The following AKAP13 variants were observed in gnomAD, a reference collection of about 807,000 sequenced individuals.
AKAP13 encodes the protein A-kinase anchor protein 13.
A neutral mutation model predicts 264.5 loss-of-function variants in AKAP13; 80 were observed. The ratio of observed to expected loss-of-function variants is 0.30; its 90% CI spans 0.25 to 0.36. The LOEUF (loss-of-function observed/expected upper bound fraction) is 0.36. Among genes scored for constraint, AKAP13 ranks in the 10% least tolerant of loss-of-function variants. AKAP13 has a pLI of 1.00. For synonymous variants in AKAP13, 1,380 were observed against 1,250.2 expected (o/e 1.10, Z -2.19); for missense variants, 3,712 against 3,435.2 (o/e 1.08, Z -2.01).
At chr15:85,685,474 G>GTGTGTGTGTGTC (rs2084851266) in intron 16 of AKAP13, 1 of 148,684 alleles carries the variant, frequency 6.7e-6, no homozygotes, top group South Asian at 2.2e-4. Context: ...GTGTGTGTGT[G>GTGTGTGTGTGTC]TGTGTGTGTG....
At chr15:85,407,125 G>A (rs1226788400) in intron 1 of AKAP13, among the ~76,000 whole-genome samples, 1 of 151,712 alleles carries the variant, frequency 6.6e-6, no homozygotes, top group African/African-American at 2.4e-5. Context: ...TATAGTGAGA[G>A]ATATGGAAAT....
chr15:85,516,299 T>C (rs1416210851), intron 2 of AKAP13, among the ~76,000 whole-genome samples: 3 of 152,222 alleles, frequency 2.0e-5, no homozygotes, highest in African/African-American at 7.2e-5. Flanking sequence ...AGGTTGATGA[T>C]TCTTGTCCTC....
chr15:85,598,800 G>C (rs1378634253), intron 8 of AKAP13, among the ~76,000 whole-genome samples: 1 of 152,156 alleles, frequency 6.6e-6, no homozygotes, highest in Non-Finnish European at 1.5e-5. Context: ...CCCTTCTACT[G>C]TTCCCTTCTA....
At chr15:85,624,357 G>A (rs564827684) in intron 8 of AKAP13, 9 of 152,104 alleles carry the variant, frequency 5.9e-5, no homozygotes, top group African/African-American at 1.9e-4. Context: ...CCCGACTCAC[G>A]ACACTTGGGC....
intron 5 of AKAP13, among the ~76,000 whole-genome samples, chr15:85,557,395 C>G (rs1198600254): frequency 6.6e-6 from 1 of 152,104 alleles, no homozygotes; most frequent in Non-Finnish European, 1.5e-5. Flanking sequence ...TGATTTGTTC[C>G]TGATATTTCA....
chr15:85,544,683 G>A (rs1455353361), intron 5 of AKAP13, among the ~76,000 whole-genome samples: 2 of 152,092 alleles, frequency 1.3e-5, no homozygotes, highest in African/African-American at 4.8e-5. Flanking sequence ...AGTTTTTATT[G>A]GAATGTTTAT....
rs1435302561 is a variant in AKAP13, at chr15:85,515,111, G to T, written c.34-6317G>T. ...ATGTCTTTACATAAAATATGTGACT[G>T]CAAGATATAAAAAATAAACTCAGGA... On this transcript the variant is annotated intron_variant, in intron 2 of 36. Coordinates refer to ENST00000394518, the MANE Select transcript of AKAP13 (RefSeq NM_007200.5). Among the ~76,000 whole-genome samples, 3 of 137,630 alleles carry T rather than the reference G, an allele frequency of 2.2e-5. 1 individual carries two copies. The highest frequency in any genetic ancestry group is 8.8e-5 in the African/African-American group (3 of 34,198). 90.3% of individuals were successfully genotyped at this position (137,630 alleles called of 152,430 possible). A position where few individuals can be genotyped will look rare whatever the true frequency, so the allele number is the denominator to read the frequency against.
intron 5 of AKAP13, among the ~76,000 whole-genome samples, chr15:85,564,323 G>T (rs2078528639): frequency 6.6e-6 from 1 of 151,998 alleles, no homozygotes; most frequent in Non-Finnish European, 1.5e-5. Context: ...TCTTAACATT[G>T]GTTACATTTG....
intron 1 of AKAP13, among the ~76,000 whole-genome samples, chr15:85,437,663 A>G (rs1024350809): frequency 5.9e-5 from 9 of 152,234 alleles, no homozygotes; most frequent in African/African-American, 2.2e-4. Context: ...GGCTGGTTCA[A>G]TATACGCAAA....
chr15:85,470,647 C>T (rs1315466578), intron 1 of AKAP13, among the ~76,000 whole-genome samples: 1 of 152,204 alleles, frequency 6.6e-6, no homozygotes, highest in Non-Finnish European at 1.5e-5. Flanking sequence ...CTTTTCTTAT[C>T]CCTCCTTGCC....
At chr15:85,460,040 C>G (rs1379890705) in intron 1 of AKAP13, among the ~76,000 whole-genome samples, 1 of 152,176 alleles carries the variant, frequency 6.6e-6, no homozygotes, top group East Asian at 1.9e-4. Context: ...ACAGACTTAC[C>G]TTTTCAAATG....
At chr15:85,471,685 C>G (rs1264228684) in intron 1 of AKAP13, among the ~76,000 whole-genome samples, 3 of 152,222 alleles carry the variant, frequency 2.0e-5, no homozygotes, top group South Asian at 2.1e-4. Context: ...CGCCTCCCCC[C>G]ATCCCTGGGT....
chr15:85,659,139 T>C (rs2083226695), intron 12 of AKAP13, among the ~76,000 whole-genome samples: 1 of 152,240 alleles, frequency 6.6e-6, no homozygotes, highest in Non-Finnish European at 1.5e-5. Context: ...TCCTTGGCCT[T>C]TGAATTCCTT....
Position 85,669,822 on chromosome 15 carries a change from G to A in AKAP13, c.5093G>A (p.Gly1698Glu). ...TCATTAATGACAATCAGCCATCCTGGATTGGACAGTGAGTATACTACTTTT... is the reference window on the plus strand; with the variant it reads ...TCATTAATGACAATCAGCCATCCTGAATTGGACAGTGAGTATACTACTTTT... ...SISLMTISHP[G>E]LDNSRPFHST... The change falls in exon 14 of 37, where the codon GGA becomes GAA. Residue 1698 changes from glycine to glutamate, a missense_variant. Transcript: ENST00000394518. 1 of 1,603,284 alleles carries A rather than the reference G, an allele frequency of 6.2e-7. No individual in the cohort carries two copies. The highest frequency in any genetic ancestry group is 8.5e-7 in the Non-Finnish European group (1 of 1,170,402).
At position 85,726,409 on chromosome 15, in the gene AKAP13, G is replaced by T; in HGVS notation, c.6746-1G>T. On this transcript the variant is annotated splice_acceptor_variant, in intron 26 of 36. Coordinates refer to ENST00000394518, the MANE Select transcript of AKAP13 (RefSeq NM_007200.5). LOFTEE classifies it high-confidence loss of function. ...TCCCTTCTCCCATTTCCATTTTCCA[G>T]AGGTTCAAGCAGTTCTTCTCACTGA... 1 of 1,612,388 alleles carries T rather than the reference G, an allele frequency of 6.2e-7. No homozygotes were observed. Among genetic ancestry groups the T allele is most frequent in the Non-Finnish European group, 8.5e-7 (1 of 1,179,084 alleles).
At chr15:85,639,238 T>C in intron 8 of AKAP13, 136 bp from the exon 9 acceptor site, 1 of 602,062 alleles carries the variant, frequency 1.7e-6, no homozygotes, top group Non-Finnish European at 2.9e-6. Flanking sequence ...AAAATTTTTT[T>C]CCCTTGACAT....
At chr15:85,411,935 T>C (rs997923989) in intron 1 of AKAP13, among the ~76,000 whole-genome samples, 4 of 152,214 alleles carry the variant, frequency 2.6e-5, no homozygotes, top group Non-Finnish European at 4.4e-5. Context: ...TTGGAAAATA[T>C]GTATTCGCCA....
intron 36 of AKAP13, chr15:85,744,361 G>A (rs935165263): frequency 2.3e-6 from 1 of 443,990 alleles, no homozygotes; most frequent in Admixed American, 3.9e-5. Flanking sequence ...TTTCTGTGTG[G>A]GAGGTTAAAG....
intron 8 of AKAP13, among the ~76,000 whole-genome samples, chr15:85,608,664 G>A (rs1030751557): frequency 6.6e-6 from 1 of 152,210 alleles, no homozygotes; most frequent in Non-Finnish European, 1.5e-5. Flanking sequence ...AAGGTGGATA[G>A]GCGAGAGAGG....
Sources: gnomAD v4.1 joint callset for allele counts (sites outside exome capture counted in the v4.1 genomes callset) on GRCh38, gnomAD v4.1.1 for gene constraint, MANE v1.5 for transcripts, NCBI Gene and HGNC (gene_info 2026-07-23, HGNC 2026-07-21) for gene names.